Variants in SOD2 observed in about 807,000 individuals in gnomAD.
The protein encoded by SOD2 is superoxide dismutase 2.
Under a neutral mutation model 27.0 loss-of-function variants are expected in SOD2, and 11 were observed. That is an observed-to-expected ratio of 0.41 (90% CI 0.26 to 0.67). The LOEUF is 0.67. SOD2 is among the 30% of genes least tolerant of loss of function. The pLI is 0.34. For synonymous variants in SOD2, 105 were observed against 103.0 expected, an observed-to-expected ratio of 1.02 and a Z score of -0.12; for missense variants, 250 against 274.5, an observed-to-expected ratio of 0.91 and a Z score of 0.63.
intron 1 of SOD2, among the ~76,000 whole-genome samples, chr6:159,753,081 T>C (rs1163371608): frequency 2.0e-5 from 3 of 152,242 alleles, no homozygotes; most frequent in Admixed American, 2.0e-4. Flanking sequence ...TTTCAAGAAC[T>C]TTTCTGATAA....
At chr6:159,710,968 T>A (rs1777735516) in intron 1 of SOD2, among the ~76,000 whole-genome samples, 1 of 125,268 alleles carries the variant, frequency 8.0e-6, no homozygotes, top group African/African-American at 2.9e-5. Context: ...CTGACCTCCA[T>A]AACCACCTCC....
At chr6:159,759,732 T>C (rs1180024021) in intron 1 of SOD2, among the ~76,000 whole-genome samples, 1 of 152,090 alleles carries the variant, frequency 6.6e-6, no homozygotes, top group Non-Finnish European at 1.5e-5. Flanking sequence ...GTCTGTCTCA[T>C]ATGAGTAGAT....
exon 1 of SOD2, chr6:159,761,634 G>T (rs1247134739): frequency 4.4e-6 from 2 of 452,512 alleles, no homozygotes; most frequent in Non-Finnish European, 8.9e-6. Flanking sequence ...TTCCAGTCCT[G>T]AGCTGAACGA....
rs1165541456 is a variant in SOD2, at chr6:159,672,700, C to T, written c.*9793G>A. The T allele has an allele frequency of 6.6e-6, 1 of 152,088 alleles. No homozygotes were observed. The highest frequency in any genetic ancestry group is 1.5e-5 in the Non-Finnish European group (1 of 68,032). The allele number at this position is 152,088 out of a possible 1,614,324, so 9.4% of individuals were successfully genotyped here. On this transcript the variant is annotated 3_prime_UTR_variant, in exon 5 of 5. Coordinates refer to ENST00000538183, the MANE Select transcript of SOD2 (RefSeq NM_000636.4). ...CTGCATCAACTAACGAGCAAAATAA[C>T]CAGTGAACATCCTAGTGACAGGATC... is the stretch of plus-strand genomic sequence containing the variant.
At position 159,686,029 on chromosome 6, in the gene SOD2, T is replaced by C. The variant is rs572925612; in HGVS notation, c.344-996A>G. ...TTGTTCTTCTCCAAGGCAGCCCAGC[T>C]CTTCCTGTCTTGATGGGCAGTTTTC... On this transcript the variant is annotated intron_variant, in intron 3 of 4. Coordinates refer to ENST00000538183, the MANE Select transcript of SOD2 (RefSeq NM_000636.4). Among the ~76,000 whole-genome samples the C allele has an allele frequency of 3.9e-5, 6 of 152,326 alleles. 1 individual carries two copies. The South Asian group carries it at 1.2e-3, about 32-fold the overall frequency.
In SOD2 at chr6:159,675,495, G is replaced by A. The variant is rs561677846; in HGVS notation, c.*6998C>T. The A allele has an allele frequency of 2.6e-5, 4 of 152,266 alleles. No individual in the cohort carries two copies. The South Asian group carries it at 8.3e-4, about 32-fold the overall frequency. The allele number at this position is 152,266 out of a possible 1,614,324, so 9.4% of individuals were successfully genotyped here. A position where few individuals can be genotyped will look rare whatever the true frequency, so the allele number is the denominator to read the frequency against. Reference sequence around the variant, plus strand: ...GAAACCTGACAAAAACAAGAAATGGGGAAAGGATTCCCTATTTAATAAATG... The same window carrying A: ...GAAACCTGACAAAAACAAGAAATGGAGAAAGGATTCCCTATTTAATAAATG... On this transcript the variant is annotated 3_prime_UTR_variant, in exon 5 of 5. Coordinates refer to ENST00000538183, the MANE Select transcript of SOD2 (RefSeq NM_000636.4).
upstream of SOD2, among the ~76,000 whole-genome samples, chr6:159,746,125 C>G (rs777422048): frequency 1.3e-5 from 2 of 152,104 alleles, no homozygotes; most frequent in Admixed American, 6.6e-5. Flanking sequence ...CTGTACAATA[C>G]GAATTTAAAA....
Position 159,682,462 on chromosome 6 carries a change from AG to A in SOD2, c.*30del, listed in dbSNP as rs1430571238. ...TACCACTACAAAAACAGTCATAAAG[AG>A]CTTAACATACTCAGCATAACGATCG... is the stretch of plus-strand genomic sequence containing the variant. On this transcript the variant is annotated 3_prime_UTR_variant, in exon 5 of 5. Transcript: ENST00000538183. The A allele has an allele frequency of 3.7e-6, 6 of 1,602,814 alleles. No homozygotes were observed. Among genetic ancestry groups the A allele is most frequent in the Non-Finnish European group, 5.1e-6 (6 of 1,174,100 alleles).
At chr6:159,719,607 C>T (rs1228061752) in intron 1 of SOD2, among the ~76,000 whole-genome samples, 4 of 124,436 alleles carry the variant, frequency 3.2e-5, no homozygotes, top group Admixed American at 1.9e-4. Flanking sequence ...GCCTGGGCAA[C>T]AGAGCAACAC....
chr6:159,744,026 A>G (rs1779416278), intron 1 of SOD2, among the ~76,000 whole-genome samples: 1 of 152,094 alleles, frequency 6.6e-6, no homozygotes, highest in Non-Finnish European at 1.5e-5. Flanking sequence ...TTCATGCCTT[A>G]TAAGTATTAG....
Position 159,712,036 on chromosome 6 carries a change from GACCTCCATAACC to G in SOD2, c.-116+15081_-116+15092del, listed in dbSNP as rs1201273464. 5.8e-5 allele frequency among the ~76,000 whole-genome samples: 2 copies of G among 34,534 alleles called. 1 individual carries two copies. Among genetic ancestry groups the G allele is most frequent in the East Asian group, 1.2e-3 (2 of 1,710 alleles). The allele number at this position is 34,534 out of a possible 152,430, so 22.7% of individuals were successfully genotyped here. ...CCATAACCACCACTCACACTGCTCAGACCTCCATAACCACCTCCATAACCACCACTCGGCTGC... is the reference window on the plus strand; with the variant it reads ...CCATAACCACCACTCACACTGCTCAGACCTCCATAACCACCACTCGGCTGC... On this transcript the variant is annotated intron_variant, in intron 1 of 2. Coordinates refer to the SOD2 transcript ENST00000401980.
intron 1 of SOD2, among the ~76,000 whole-genome samples, chr6:159,707,037 G>T (rs1454523342): frequency 1.6e-4 from 25 of 152,216 alleles, no homozygotes; most frequent in Admixed American, 3.9e-4. Flanking sequence ...ATAATGAAAT[G>T]AAGACAGAAA....
intron 1 of SOD2, among the ~76,000 whole-genome samples, chr6:159,705,371 G>A (rs1777603838): frequency 6.6e-6 from 1 of 152,144 alleles, no homozygotes; most frequent in Non-Finnish European, 1.5e-5. Flanking sequence ...TAAAAACCAT[G>A]AAAAAAGATT....
chr6:159,748,174 T>C, upstream of SOD2: 1 of 1,607,604 alleles, frequency 6.2e-7, no homozygotes, highest in Non-Finnish European at 8.5e-7. The surrounding 1 kb of genome is among the most constrained non-coding windows in gnomAD (Gnocchi z 5.6). Context: ...CGTAATTGTT[T>C]CTTTTGCTTT....
upstream of SOD2, among the ~76,000 whole-genome samples, chr6:159,693,656 G>T (rs1050056307): frequency 4.6e-5 from 7 of 152,150 alleles, no homozygotes; most frequent in Admixed American, 4.6e-4. Flanking sequence ...TTGCGCTGCC[G>T]GGGGGCCGCG....
chr6:159,717,016 C>A (rs143164503), intron 1 of SOD2, among the ~76,000 whole-genome samples: 2,173 of 152,308 alleles, frequency 0.014, 36 homozygotes, highest in Non-Finnish European at 0.018. Flanking sequence ...ATGCTAAATC[C>A]TTTTCAGAAA....
intron 1 of SOD2, among the ~76,000 whole-genome samples, chr6:159,721,346 C>T (rs1259327374): frequency 6.6e-6 from 1 of 150,554 alleles, no homozygotes. Context: ...GGATTACAGG[C>T]ATGAGCCACC....
Position 159,735,627 on chromosome 6 carries a change from T to C in SOD2, c.-116+9503A>G, listed in dbSNP as rs538038462. 2.2e-4 allele frequency among the ~76,000 whole-genome samples: 33 copies of C among 152,190 alleles called. No individual in the cohort carries two copies. In the South Asian group the frequency reaches 6.4e-3, roughly 30 times the overall value. ...AGCCAGGTGTGGTGGCACGCACCTG[T>C]AGTCCCAGCTATTTAGGGGGCTGAG... On this transcript the variant is annotated intron_variant, in intron 1 of 3. Transcript: ENST00000537657.
At chr6:159,734,273 C>T (rs1778769706) in intron 1 of SOD2, among the ~76,000 whole-genome samples, 2 of 151,280 alleles carry the variant, frequency 1.3e-5, no homozygotes, top group South Asian at 4.2e-4. Flanking sequence ...CTCAGCCTCC[C>T]AAAGTGCTGG....
Sources: gnomAD v4.1 joint callset for allele counts (sites outside exome capture counted in the v4.1 genomes callset) on GRCh38, gnomAD v4.1.1 for gene constraint, Gnocchi (gnomAD v3.1) non-coding constraint, MANE v1.5 for transcripts, NCBI Gene and HGNC (gene_info 2026-07-23, HGNC 2026-07-21) for gene names.